The following MICALL2 variants were observed in gnomAD, a reference collection of about 807,000 sequenced individuals.
MICALL2 encodes MICAL like 2.
In MICALL2, 111 loss-of-function variants were observed where a neutral mutation model predicts 91.1. The ratio of observed to expected loss-of-function variants is 1.22; its 90% CI spans 1.04 to 1.43. The LOEUF is 1.43. MICALL2 is among the 40% of genes most tolerant of loss of function. The pLI is 0.00. For synonymous variants in MICALL2, 694 were observed against 525.3 expected (o/e 1.32, Z -4.39); for missense variants, 1,556 against 1,236.0 (o/e 1.26, Z -3.88).
At chr7:1,456,358 G>A (rs571823737) in intron 1 of MICALL2, among the ~76,000 whole-genome samples, 59 of 152,328 alleles carry the variant, frequency 3.9e-4, no homozygotes, top group Middle Eastern at 3.4e-3. Context: ...GAAGAGGGCA[G>A]ATGGATCACT....
chr7:1,453,167 T>C (rs1223874522), intron 1 of MICALL2, among the ~76,000 whole-genome samples: 2 of 151,836 alleles, frequency 1.3e-5, no homozygotes, highest in African/African-American at 4.8e-5. Context: ...AAATGACACA[T>C]TGGAGCCCTA....
At chr7:1,435,426 C>T (rs1248282850) in intron 15 of MICALL2, among the ~76,000 whole-genome samples, 1 of 151,936 alleles carries the variant, frequency 6.6e-6, no homozygotes, top group Non-Finnish European at 1.5e-5. Context: ...GGGCCGACCA[C>T]ACCAGTGACC....
intron 8 of MICALL2, 90 bp from the exon 9 acceptor site, chr7:1,440,175 C>T (rs1440373748): frequency 8.0e-6 from 12 of 1,490,698 alleles, no homozygotes; most frequent in East Asian, 2.4e-5. Context: ...GCAGACCAGC[C>T]GGAGGGAGCA....
chr7:1,440,836 C>A (rs748259073), intron 7 of MICALL2, 152 bp from the exon 8 acceptor site: 7 of 645,744 alleles, frequency 1.1e-5, no homozygotes, highest in Non-Finnish European at 1.7e-5. Flanking sequence ...TCAGGAGCAC[C>A]GGGCAGGGAG....
chr7:1,440,040 C>G lies in MICALL2; in HGVS notation c.1851G>C (p.Ala617=), dbSNP rs181284121. The stretch of plus-strand genomic sequence containing the variant: ...CTGAGACCTTCCTGGGGGCCTCCCC[C>G]GCCCTCGGCTCTGCCAGGGCCCGTG... ...KEPRALAEPR[A]GEAPRKVSGS... Residue 617 remains alanine, a synonymous_variant, in exon 9 of 17, where the codon GCG becomes GCC. Transcript: ENST00000297508. 100 of 1,582,890 alleles carry G rather than the reference C, an allele frequency of 6.3e-5. No homozygotes were observed. The South Asian group carries it at 9.7e-4, about 15-fold the overall frequency.
chr7:1,439,490 T>TCACACGTGTGGGCACACATGCATCA (rs140963409), intron 9 of MICALL2: 6 of 188,070 alleles, frequency 3.2e-5, no homozygotes, highest in Admixed American at 1.2e-4. Flanking sequence ...GACACATGCA[T>TCACACGTGTGGGCACACATGCATCA]CACGTGTGGG....
In MICALL2 at chr7:1,450,301, A is replaced by C. The variant is rs763211852; in HGVS notation, c.144-13T>G. 6.2e-7 allele frequency: 1 copy of C among 1,612,042 alleles called. No individual in the cohort carries two copies. The highest frequency in any genetic ancestry group is 8.5e-7 in the Non-Finnish European group (1 of 1,178,926). On this transcript the variant is annotated splice_polypyrimidine_tract_variant and intron_variant, in intron 1 of 16. Transcript: ENST00000297508. Reference sequence around the variant, plus strand: ...AGCACTGAAGTTTCTGGAAGATAAAAACATGATGTCCAAAGCAGCTCAGAG... The same window carrying C: ...AGCACTGAAGTTTCTGGAAGATAAACACATGATGTCCAAAGCAGCTCAGAG...
rs1348409421 is a variant in MICALL2 at position 1,436,803 on chromosome 7, A to T, written c.2530T>A (p.Tyr844Asn). The T allele has an allele frequency of 1.2e-6, 2 of 1,608,096 alleles. No homozygotes were observed. Among genetic ancestry groups the T allele is most frequent in the Admixed American group, 1.7e-5 (1 of 59,680 alleles). ...RRREQELLEQ[Y>N]VSTVNDRSDI... Reference sequence around the variant, plus strand: ...CTGCGGTCGTTCACGGTGCTCACGTACTGCTCCAGCAGCTCCTGCTCCCGC... The same window carrying T: ...CTGCGGTCGTTCACGGTGCTCACGTTCTGCTCCAGCAGCTCCTGCTCCCGC... Residue 844 changes from tyrosine (Y) to asparagine (N), a missense_variant, in exon 15 of 17, where the codon TAC (tyrosine) becomes AAC (asparagine). Physicochemically the swap from Tyr to Asn is moderately radical, Grantham distance 143 (BLOSUM62 -2). Transcript: ENST00000297508.
rs936164381 is a variant in MICALL2 at position 1,447,819 on chromosome 7, C to A, written c.335-54G>T. On this transcript the variant is annotated intron_variant, in intron 3 of 16. Coordinates refer to ENST00000297508, the MANE Select transcript of MICALL2 (RefSeq NM_182924.4). ...GTCCCAGGCCTGGCTCTGAAAGGGT[C>A]TAGTCCCTCCAGAGGTCCCAGTGCC... is the stretch of plus-strand genomic sequence containing the variant. The A allele has an allele frequency of 7.3e-6, 10 of 1,361,040 alleles. No homozygotes were observed. In the African/African-American group the frequency reaches 1.3e-4, roughly 18 times the overall value. The allele number at this position is 1,361,040 out of a possible 1,614,324, so 84.3% of individuals were successfully genotyped here. A position where few individuals can be genotyped will look rare whatever the true frequency, so the allele number is the denominator to read the frequency against.
chr7:1,440,055 C>A lies in MICALL2; in HGVS notation c.1836G>T (p.Leu612=). Reference sequence around the variant, plus strand: ...GGGCCTCCCCCGCCCTCGGCTCTGCCAGGGCCCGTGGTTCCTTGGGCTTCA... The same window carrying A: ...GGGCCTCCCCCGCCCTCGGCTCTGCAAGGGCCCGTGGTTCCTTGGGCTTCA... The part of the protein sequence containing the change: ...RTLKPKEPRA[L]AEPRAGEAPR... The change falls in exon 9 of 17, where the codon CTG becomes CTT. Residue 612 remains leucine, a synonymous_variant. Coordinates refer to ENST00000297508, the MANE Select transcript of MICALL2 (RefSeq NM_182924.4). 1 of 1,586,414 alleles carries A rather than the reference C, an allele frequency of 6.3e-7. No individual in the cohort carries two copies. The highest frequency in any genetic ancestry group is 1.7e-4 in the Middle Eastern group (1 of 5,966).
chr7:1,458,142 A>G (rs966857096), intron 1 of MICALL2, among the ~76,000 whole-genome samples: 6 of 152,244 alleles, frequency 3.9e-5, no homozygotes, highest in African/African-American at 1.4e-4. Context: ...AGCTTCCTGC[A>G]GAGAGTGGGA....
intron 1 of MICALL2, among the ~76,000 whole-genome samples, chr7:1,456,345 G>C (rs944038976): frequency 2.0e-5 from 3 of 152,236 alleles, no homozygotes; most frequent in African/African-American, 7.2e-5. Flanking sequence ...ACTTTGGGAG[G>C]CTGAAGAGGG....
intron 1 of MICALL2, among the ~76,000 whole-genome samples, chr7:1,455,104 C>T (rs928060754): frequency 4.6e-5 from 7 of 152,230 alleles, no homozygotes; most frequent in East Asian, 3.9e-4. Flanking sequence ...CGGCTTCCTG[C>T]GCCACGCACA....
rs753412351 is a variant in MICALL2 at position 1,447,620 on chromosome 7, C to T, written c.480G>A (p.Val160=). Reference sequence around the variant, plus strand: ...CTGCACCCTCATTCCTCCTCTGGACCACAGGGTTTGTCTGGGCTGGAGATA... The same window carrying T: ...CTGCACCCTCATTCCTCCTCTGGACTACAGGGTTTGTCTGGGCTGGAGATA... ...PPLSPAQTNP[V]VQRRNEGAGG... is the part of the protein sequence containing the mutation. The change falls in exon 4 of 17, where the codon GTG becomes GTA. Residue 160 remains valine (V), a synonymous_variant. Coordinates refer to ENST00000297508, the MANE Select transcript of MICALL2 (RefSeq NM_182924.4). 2.8e-5 allele frequency: 45 copies of T among 1,597,772 alleles called. No homozygotes were observed. Among genetic ancestry groups the T allele is most frequent in the Non-Finnish European group, 3.7e-5 (43 of 1,173,202 alleles).
intron 4 of MICALL2, among the ~76,000 whole-genome samples, chr7:1,447,167 G>A (rs1338704029): frequency 6.6e-6 from 1 of 152,146 alleles, no homozygotes; most frequent in Non-Finnish European, 1.5e-5. Flanking sequence ...TCCAGGCATA[G>A]CAGGGGCTGC....
intron 1 of MICALL2, among the ~76,000 whole-genome samples, chr7:1,457,005 C>T (rs1434094622): frequency 6.6e-6 from 1 of 152,164 alleles, no homozygotes; most frequent in African/African-American, 2.4e-5. Flanking sequence ...GGAGGCCGGA[C>T]TCCGACATCA....
chr7:1,444,979 A>G lies in MICALL2; in HGVS notation c.1091T>C (p.Val364Ala), dbSNP rs370668129. The part of the protein sequence containing the change: ...CTAAAASHPA[V>A]PPSAPDPRPA... ...GCGAGGGTCTGGGGCACTCGGGGGC[A>G]CGGCGGGATGGGAGGCAGCCGCTGC... is the stretch of plus-strand genomic sequence containing the variant. The change falls in exon 6 of 17, where the codon GTG becomes GCG. Residue 364 changes from valine (V) to alanine (A), a missense_variant. Val to Ala is a moderately conservative substitution (Grantham distance 64). Coordinates refer to ENST00000297508, the MANE Select transcript of MICALL2 (RefSeq NM_182924.4). 1,607 of 1,506,132 alleles carry G rather than the reference A, an allele frequency of 1.1e-3. 5 individuals are homozygous for G. The Middle Eastern group carries it at 0.011, about 11-fold the overall frequency. The allele number at this position is 1,506,132 out of a possible 1,614,324, so 93.3% of individuals were successfully genotyped here.
chr7:1,448,551 G>A, intron 3 of MICALL2, 69 bp downstream of exon 3: 1 of 1,586,038 alleles, frequency 6.3e-7, no homozygotes, highest in South Asian at 1.1e-5. Context: ...AAAGTCCACA[G>A]GCCTGGGAGC....
chr7:1,440,940 T>C (rs1482422438), intron 7 of MICALL2: 4 of 496,360 alleles, frequency 8.1e-6, no homozygotes, highest in African/African-American at 3.9e-5. Flanking sequence ...TTCTGCCGAA[T>C]GGGTGGGGAC....
Sources: allele counts gnomAD v4.1 joint callset (sites outside exome capture counted in the v4.1 genomes callset), GRCh38; gene constraint gnomAD v4.1.1; transcripts MANE v1.5; gene names NCBI Gene and HGNC (gene_info 2026-07-23, HGNC 2026-07-21).